ANKRD28: variants seen among roughly 807,000 people sequenced by gnomAD.
The protein encoded by ANKRD28 is ankyrin repeat domain 28, also known as serine/threonine-protein phosphatase 6 regulatory ankyrin repeat subunit A.
In ANKRD28, 44 loss-of-function variants were observed where a neutral mutation model predicts 126.5. That is an observed-to-expected ratio of 0.35 (90% CI 0.27 to 0.45). ANKRD28 has a LOEUF of 0.45. ANKRD28 is among the 20% of genes least tolerant of loss of function. ANKRD28 has a pLI of 1.00. For missense variants in ANKRD28, 1,110 were observed against 1,316.6 expected (o/e 0.84, Z 2.43); for synonymous variants, 442 against 468.5 (o/e 0.94, Z 0.73).
Position 15,788,905 on chromosome 3 carries a change from C to T in ANKRD28, c.201+6318G>A, listed in dbSNP as rs181123219. 3.5e-3 allele frequency among the ~76,000 whole-genome samples: 537 copies of T among 151,746 alleles called. 6 individuals carry two copies. The highest frequency in any genetic ancestry group is 0.013 in the African/African-American group (519 of 41,418). On this transcript the variant is annotated intron_variant, in intron 2 of 27. Coordinates refer to ENST00000683139, the MANE Select transcript of ANKRD28 (RefSeq NM_001349278.2). ...TAATGTAACCCTACACATTTACCCCCCCAAAAAAAAAGAAGAGTGAGGGCT... is the reference window on the plus strand; with the variant it reads ...TAATGTAACCCTACACATTTACCCCTCCAAAAAAAAAGAAGAGTGAGGGCT...
intron 7 of ANKRD28, among the ~76,000 whole-genome samples, chr3:15,721,981 A>G (rs1406247122): frequency 6.6e-6 from 1 of 152,058 alleles, no homozygotes; most frequent in Non-Finnish European, 1.5e-5. Flanking sequence ...TTGACCTCAA[A>G]TGATCCACCG....
Position 15,838,313 on chromosome 3 carries a change from AAT to A in ANKRD28, c.27+21062_27+21063del, listed in dbSNP as rs1422233389. Among the ~76,000 whole-genome samples, 1 of 152,220 alleles carries A rather than the reference AAT, an allele frequency of 6.6e-6. No individual in the cohort carries two copies. Among genetic ancestry groups the A allele is most frequent in the African/African-American group, 2.4e-5 (1 of 41,460 alleles). On this transcript the variant is annotated intron_variant, in intron 1 of 27. Transcript: ENST00000399451. The surrounding 1 kb of genome is among the most constrained non-coding windows in gnomAD (Gnocchi z 4.0). ...CAAAGCCAGACAAAGATATCACACGAATAGAGATTTTTTTTAATCCTAACAAA... is the reference window on the plus strand; with the variant it reads ...CAAAGCCAGACAAAGATATCACACGAAGAGATTTTTTTTAATCCTAACAAA...
intron 8 of ANKRD28, among the ~76,000 whole-genome samples, chr3:15,718,351 A>C (rs2073313094): frequency 6.6e-6 from 1 of 152,218 alleles, no homozygotes; most frequent in Non-Finnish European, 1.5e-5. Flanking sequence ...AATCTACTTA[A>C]ATATATCTTA....
chr3:15,794,379 C>T (rs1340525542), intron 2 of ANKRD28, among the ~76,000 whole-genome samples: 1 of 151,300 alleles, frequency 6.6e-6, no homozygotes, highest in Non-Finnish European at 1.5e-5. Context: ...GCAATGGGTG[C>T]TTTCTTAAAA....
At position 15,712,188 on chromosome 3, in the gene ANKRD28, C is replaced by A. The variant is rs746296012; in HGVS notation, c.1225G>T (p.Ala409Ser). The A allele has an allele frequency of 1.9e-6, 3 of 1,586,486 alleles. No individual in the cohort carries two copies. The highest frequency in any genetic ancestry group is 2.7e-5 in the African/African-American group (2 of 74,396). ...GIHGMFPLHL[A>S]ALSGFSDCCR... ...CAATCTGAAAAGCCGCTTAAGGCTG[C>A]CAAATGGAGGGGGAACATTCCATGT... The change falls in exon 11 of 28, where the codon GCA (alanine) becomes TCA (serine). Residue 409 changes from alanine to serine, a missense_variant. Ala to Ser is a moderately conservative substitution (Grantham distance 99). Coordinates refer to ENST00000683139, the MANE Select transcript of ANKRD28 (RefSeq NM_001349278.2).
intron 1 of ANKRD28, among the ~76,000 whole-genome samples, chr3:15,826,182 T>C (rs1575777661): frequency 6.6e-6 from 1 of 152,192 alleles, no homozygotes; most frequent in African/African-American, 2.4e-5. Context: ...TACCTAACTA[T>C]AGAAAGTTAA....
chr3:15,806,597 C>T (rs1220975411), intron 1 of ANKRD28, among the ~76,000 whole-genome samples: 1 of 152,068 alleles, frequency 6.6e-6, no homozygotes, highest in African/African-American at 2.4e-5. Context: ...TCCCAGCTCA[C>T]TGCAACCTCC....
chr3:15,778,785 T>A (rs1466839377), intron 2 of ANKRD28, among the ~76,000 whole-genome samples: 1 of 152,200 alleles, frequency 6.6e-6, no homozygotes, highest in African/African-American at 2.4e-5. Flanking sequence ...TGGCTCTGTA[T>A]CCCTACCCAA....
chr3:15,801,349 C>A (rs1000849263), upstream of ANKRD28, among the ~76,000 whole-genome samples: 8 of 152,114 alleles, frequency 5.3e-5, no homozygotes, highest in African/African-American at 1.4e-4. This position sits in a 1 kb window ranked among gnomAD's most constrained non-coding sequence, Gnocchi z 4.9. Context: ...ACGATTTTTC[C>A]TTTCTGCAAC....
At chr3:15,759,586 A>T (rs2058347685) in intron 3 of ANKRD28, among the ~76,000 whole-genome samples, 1 of 152,206 alleles carries the variant, frequency 6.6e-6, no homozygotes, top group Admixed American at 6.5e-5. Flanking sequence ...AGAATTCTGG[A>T]CTGCAAGTTA....
intron 1 of ANKRD28, among the ~76,000 whole-genome samples, chr3:15,827,033 T>G (rs1329916748): frequency 6.6e-6 from 1 of 152,088 alleles, no homozygotes; most frequent in Non-Finnish European, 1.5e-5. Flanking sequence ...CACTCTCTCA[T>G]CACCAGGGAA....
chr3:15,709,769 T>C (rs2071971796), intron 12 of ANKRD28, 33 bp from the exon 13 acceptor site: 1 of 1,392,156 alleles, frequency 7.2e-7, no homozygotes, highest in Non-Finnish European at 9.8e-7. Flanking sequence ...GAAAACTTAA[T>C]TGACAGTGAT....
At chr3:15,671,724 C>G (rs776203279) in intron 27 of ANKRD28, among the ~76,000 whole-genome samples, 17 of 151,804 alleles carry the variant, frequency 1.1e-4, no homozygotes, top group Non-Finnish European at 2.2e-4. Flanking sequence ...GCTGGGATTA[C>G]ACGTGTGTGC....
chr3:15,784,160 G>A (rs1030464139), intron 2 of ANKRD28, among the ~76,000 whole-genome samples: 7 of 151,890 alleles, frequency 4.6e-5, no homozygotes, highest in Middle Eastern at 3.2e-3. Flanking sequence ...TTCTCTCTCA[G>A]AAGAAAAATG....
chr3:15,750,538 GT>G (rs1350392393), intron 4 of ANKRD28, among the ~76,000 whole-genome samples: 1 of 152,198 alleles, frequency 6.6e-6, no homozygotes, highest in Non-Finnish European at 1.5e-5. Context: ...TAGGTTGTGT[GT>G]TCAACTGCAC....
At chr3:15,850,198 A>ATATATATAT (rs1553649981) in intron 1 of ANKRD28, among the ~76,000 whole-genome samples, 7 of 42,134 alleles carry the variant, frequency 1.7e-4, no homozygotes, top group East Asian at 4.0e-3. Context: ...AATAAAAAAA[A>ATATATATAT]AAAAAAATAT....
upstream of ANKRD28, among the ~76,000 whole-genome samples, chr3:15,798,422 AAGCTT>A (rs145655379): frequency 0.041 from 6,307 of 152,226 alleles, 447 homozygotes; most frequent in African/African-American, 0.14. Flanking sequence ...CTAGAATGCA[AAGCTT>A]AAACAAATGA....
At chr3:15,720,859 ATGT>A (rs1204839273) in intron 8 of ANKRD28, 53 bp downstream of exon 8, 1 of 1,479,380 alleles carries the variant, frequency 6.8e-7, no homozygotes, top group African/African-American at 1.4e-5. Context: ...TTCACCATTG[ATGT>A]TGTTTTAACA....
rs537799657 is a variant in ANKRD28, at chr3:15,700,667, G to A, written c.1548-4422C>T. 3.9e-5 allele frequency among the ~76,000 whole-genome samples: 6 copies of A among 152,166 alleles called. No homozygotes were observed. The South Asian group carries it at 1.0e-3, about 26-fold the overall frequency. ...CGGGCGCCTGTAGTCCCAGCTACTC[G>A]GGAGGCTGAGGCAGGAGAATTGCTT... On this transcript the variant is annotated intron_variant, in intron 14 of 27. Transcript: ENST00000683139.
Sources: allele counts gnomAD v4.1 joint callset (sites outside exome capture counted in the v4.1 genomes callset), GRCh38; gene constraint gnomAD v4.1.1; non-coding constraint Gnocchi (gnomAD v3.1); transcripts MANE v1.5; gene names NCBI Gene and HGNC (gene_info 2026-07-23, HGNC 2026-07-21).